Variants in ARMCX4 observed in about 807,000 individuals in gnomAD.
ARMCX4 encodes armadillo repeat containing X-linked 4, also known as armadillo repeat-containing X-linked protein 4.
ARMCX4 carries 3 observed loss-of-function variants against 34.7 expected under a neutral mutation model. The ratio of observed to expected loss-of-function variants is 0.09; its 90% CI spans 0.04 to 0.22. ARMCX4 has a LOEUF of 0.22. ARMCX4 is among the 10% of genes least tolerant of loss of function. The probability of loss-of-function intolerance (pLI) is 1.00; values close to 1 mark genes in which losing one functional copy is unlikely to be tolerated. For missense variants in ARMCX4, 1,448 were observed against 1,720.8 expected (o/e 0.84, Z 2.81); for synonymous variants, 513 against 632.8 (o/e 0.81, Z 2.84).
chrX:101,497,507 G>C (rs951251610), downstream of ARMCX4, among the ~76,000 whole-genome samples: 13 of 111,580 alleles, frequency 1.2e-4, no homozygotes, highest in African/African-American at 4.2e-4. Flanking sequence ...CCAAAGTGCT[G>C]GGATTACAGG....
chrX:101,424,813 T>C (rs1384948291), intron 2 of ARMCX4, among the ~76,000 whole-genome samples: 2 of 112,007 alleles, frequency 1.8e-5, no homozygotes, highest in Admixed American at 9.5e-5. Flanking sequence ...TAAGATCACA[T>C]TGAATACTAA....
chrX:101,523,942 T>G (rs1466042174), intron 11 of ARMCX4, among the ~76,000 whole-genome samples: 2 of 99,850 alleles, frequency 2.0e-5, no homozygotes, highest in African/African-American at 4.3e-5. Flanking sequence ...CAGGCATAGC[T>G]TTTTTTTTTC....
At position 101,493,712 on chromosome X, in the gene ARMCX4, G is replaced by C. The variant is rs1556010489; in HGVS notation, c.5123G>C (p.Gly1708Ala). The change falls in exon 6 of 6, where the codon GGA (glycine) becomes GCA (alanine). Residue 1708 changes from glycine (G) to alanine (A), a missense_variant. Coordinates refer to ENST00000423738, the MANE Select transcript of ARMCX4 (RefSeq NM_001256155.3). ...RMGSEDQATG[G>A]SWARSEDQAS... Reference sequence around the variant, plus strand: ...GGATCTGAGGACCAGGCCACTGGAGGATCCTGGGCTAGATCTGAGGACCAG... The same window carrying C: ...GGATCTGAGGACCAGGCCACTGGAGCATCCTGGGCTAGATCTGAGGACCAG... 2 of 1,154,496 alleles carry C rather than the reference G, an allele frequency of 1.7e-6. No homozygotes were observed. The highest frequency in any genetic ancestry group is 6.5e-5 in the East Asian group (2 of 30,662).
chrX:101,492,683 G>A lies in ARMCX4; in HGVS notation c.4094G>A (p.Arg1365Lys), dbSNP rs1556009942. The part of the protein sequence containing the change: ...DTADQASGGS[R>K]LGHVDQSSGG... ...GCAGACCAAGCCAGTGGAGGGTCTA[G>A]GCTGGGCCACGTAGATCAGTCCAGT... is the stretch of plus-strand genomic sequence containing the variant. The change falls in exon 6 of 6, where the codon AGG becomes AAG. Residue 1365 changes from arginine to lysine, a missense_variant. Transcript: ENST00000423738. 8.9e-7 allele frequency: 1 copy of A among 1,121,018 alleles called. No individual in the cohort carries two copies. The highest frequency in any genetic ancestry group is 1.2e-6 in the Non-Finnish European group (1 of 853,926). 92.4% of individuals were successfully genotyped at this position (1,121,018 alleles called of 1,213,427 possible).
intron 2 of ARMCX4, among the ~76,000 whole-genome samples, chrX:101,425,804 G>A (rs1174983046): frequency 1.8e-5 from 2 of 110,942 alleles, no homozygotes; most frequent in African/African-American, 6.6e-5. Flanking sequence ...CGGGTCAAGA[G>A]AGGCCTTTCA....
intron 2 of ARMCX4, among the ~76,000 whole-genome samples, chrX:101,436,778 G>T (rs782204282): frequency 9.0e-6 from 1 of 111,278 alleles, no homozygotes; most frequent in Admixed American, 9.6e-5. Flanking sequence ...ATTGACTGTG[G>T]GTTTGCCATA....
chrX:101,489,436 C>G lies in ARMCX4; in HGVS notation c.847C>G (p.Gln283Glu), dbSNP rs1376621299. The change falls in exon 6 of 6, where the codon CAG (glutamine) becomes GAG (glutamate). Residue 283 changes from glutamine to glutamate, a missense_variant. Physicochemically the swap from Gln to Glu is conservative, Grantham distance 29. This residue lies in a region of ARMCX4 where 1,343 missense variants were observed against 1,540.7 expected (regional missense o/e 0.87). Transcript: ENST00000423738. ...GVDMKSCAQS[Q>E]AVTKIQGDDM... ...GGACATGAAGTCCTGTGCACAGTCTCAGGCTGTGACCAAGATCCAGGGTGA... is the reference window on the plus strand; with the variant it reads ...GGACATGAAGTCCTGTGCACAGTCTGAGGCTGTGACCAAGATCCAGGGTGA... 1 of 1,153,427 alleles carries G rather than the reference C, an allele frequency of 8.7e-7. No individual in the cohort carries two copies. The highest frequency in any genetic ancestry group is 1.8e-5 in the African/African-American group (1 of 55,579).
intron 2 of ARMCX4, among the ~76,000 whole-genome samples, chrX:101,421,751 T>G (rs994592653): frequency 2.7e-5 from 3 of 110,439 alleles, no homozygotes; most frequent in Non-Finnish European, 5.7e-5. Flanking sequence ...CCTTTTATAA[T>G]GGCATTAATC....
chrX:101,472,016 G>A (rs202165655), intron 4 of ARMCX4, among the ~76,000 whole-genome samples: 29,677 of 68,470 alleles, frequency 0.43, 6,925 homozygotes, highest in African/African-American at 0.68. Flanking sequence ...TCTGAGCTAC[G>A]GGAGGACATT....
At chrX:101,460,802 A>G (rs1230958028) in intron 4 of ARMCX4, among the ~76,000 whole-genome samples, 4 of 111,867 alleles carry the variant, frequency 3.6e-5, no homozygotes, top group African/African-American at 1.3e-4. Flanking sequence ...AGCCAATATA[A>G]AGAGATGGAC....
intron 4 of ARMCX4, among the ~76,000 whole-genome samples, chrX:101,471,658 G>T (rs1192549565): frequency 1.8e-5 from 2 of 111,510 alleles, no homozygotes; most frequent in Admixed American, 9.5e-5. Context: ...CCCTGACCCT[G>T]GAGCAGCCTA....
chrX:101,457,928 G>T (rs1932388238), intron 4 of ARMCX4, among the ~76,000 whole-genome samples: 1 of 109,892 alleles, frequency 9.1e-6, no homozygotes, highest in Non-Finnish European at 1.9e-5. Context: ...TTTTAGTAGA[G>T]ACGGGGTTTC....
chrX:101,424,182 G>A (rs782629666), intron 2 of ARMCX4, among the ~76,000 whole-genome samples: 331 of 111,278 alleles, frequency 3.0e-3, no homozygotes, highest in African/African-American at 9.2e-3. Context: ...ATAAAAACCC[G>A]AAAGAATTGG....
downstream of ARMCX4, among the ~76,000 whole-genome samples, chrX:101,451,490 C>G (rs1343259711): frequency 1.8e-5 from 2 of 112,234 alleles, no homozygotes; most frequent in African/African-American, 6.5e-5. Context: ...TTCCTACCCT[C>G]TTCAGTGCCT....
At chrX:101,423,959 G>A (rs1555990497) in intron 2 of ARMCX4, among the ~76,000 whole-genome samples, 1 of 111,269 alleles carries the variant, frequency 9.0e-6, no homozygotes, top group African/African-American at 3.3e-5. Context: ...CATCTCACGG[G>A]TTCAAGCGAT....
rs150262790 is a variant in ARMCX4, at chrX:101,443,857, G to C, written n.165-195G>C. ...AGATGAAAAACTAGGAACCATTTGC[G>C]TTGGGTCCAGCATTTTCCATGAACA... On this transcript the variant is annotated intron_variant and non_coding_transcript_variant, in intron 2 of 3. Coordinates refer to the ARMCX4 transcript ENST00000430461. The C allele has an allele frequency of 1.1e-5, 4 of 362,492 alleles. No homozygotes were observed. The Admixed American group carries it at 1.1e-4, about 10-fold the overall frequency. 29.9% of individuals were successfully genotyped at this position (362,492 alleles called of 1,213,427 possible). A position where few individuals can be genotyped will look rare whatever the true frequency, so the allele number is the denominator to read the frequency against.
chrX:101,437,801 C>G (rs1436854783), intron 2 of ARMCX4, among the ~76,000 whole-genome samples: 1 of 112,119 alleles, frequency 8.9e-6, no homozygotes, highest in Non-Finnish European at 1.9e-5. Context: ...AAATTTCCCT[C>G]TACACACTGC....
downstream of ARMCX4, among the ~76,000 whole-genome samples, chrX:101,449,198 GC>G (rs1303926902): frequency 2.7e-5 from 3 of 111,946 alleles, no homozygotes; most frequent in African/African-American, 9.7e-5. Flanking sequence ...GAGCCACCTC[GC>G]CTGGGTCAAA....
At chrX:101,452,867 T>TTTATTA (rs10634734), downstream of ARMCX4, among the ~76,000 whole-genome samples, 16,902 of 102,008 alleles carry the variant, frequency 0.17, 1,154 homozygotes, top group South Asian at 0.33. Context: ...GGCTGTTTGT[T>TTTATTA]TTATTATTAT....
Sources: gnomAD v4.1 joint callset for allele counts (sites outside exome capture counted in the v4.1 genomes callset) on GRCh38, gnomAD v4.1.1 for gene constraint, gnomAD v4.1.1 regional missense constraint, MANE v1.5 for transcripts, NCBI Gene and HGNC (gene_info 2026-07-23, HGNC 2026-07-21) for gene names.